Variants in FRMPD2 observed in about 807,000 individuals in gnomAD.
FRMPD2 encodes FERM and PDZ domain containing 2.
In FRMPD2, 96 loss-of-function variants were observed where a neutral mutation model predicts 140.1. That is an observed-to-expected ratio of 0.69 (90% CI 0.58 to 0.81). FRMPD2 has a LOEUF of 0.81. Among genes scored for constraint, FRMPD2 ranks in the 40% least tolerant of loss-of-function variants. The pLI is 0.00. For missense variants in FRMPD2, 1,240 were observed against 1,447.4 expected, an observed-to-expected ratio of 0.86 and a Z score of 2.32; for synonymous variants, 449 against 547.6, an observed-to-expected ratio of 0.82 and a Z score of 2.52.
intron 12 of FRMPD2, among the ~76,000 whole-genome samples, chr10:48,221,974 A>T (rs867842832): frequency 1.6e-4 from 19 of 115,956 alleles, no homozygotes; most frequent in African/African-American, 5.9e-4. Flanking sequence ...GGATGGATGG[A>T]TGGTTGGATG....
At chr10:48,200,780 A>G (rs976227508) in intron 15 of FRMPD2, among the ~76,000 whole-genome samples, 4 of 152,192 alleles carry the variant, frequency 2.6e-5, no homozygotes, top group African/African-American at 9.7e-5. Flanking sequence ...TGTCTGAATT[A>G]TATAGATGCT....
chr10:48,187,408 C>T (rs546455660), intron 16 of FRMPD2, 116 bp from the exon 17 acceptor site: 13 of 767,620 alleles, frequency 1.7e-5, no homozygotes, highest in South Asian at 6.7e-5. Context: ...GATGATGGCC[C>T]GGGGAGGGCA....
intron 14 of FRMPD2, among the ~76,000 whole-genome samples, chr10:48,205,521 C>A (rs1159549293): frequency 6.6e-6 from 1 of 151,978 alleles, no homozygotes; most frequent in Non-Finnish European, 1.5e-5. Flanking sequence ...AAAATCTGAA[C>A]AATTAAACAT....
chr10:48,215,174 G>A (rs1214377346), intron 12 of FRMPD2, among the ~76,000 whole-genome samples: 1 of 151,798 alleles, frequency 6.6e-6, no homozygotes, highest in African/African-American at 2.4e-5. Context: ...TTTTTTTTCA[G>A]CACCAGAACC....
chr10:48,208,170 C>T (rs1166114163), intron 13 of FRMPD2, among the ~76,000 whole-genome samples: 1 of 152,100 alleles, frequency 6.6e-6, no homozygotes, highest in Non-Finnish European at 1.5e-5. Flanking sequence ...GTTTAAAAAG[C>T]AGGGCCACCA....
Position 48,238,134 on chromosome 10 carries a change from G to T in FRMPD2, c.789-11C>A. 1 of 1,606,736 alleles carries T rather than the reference G, an allele frequency of 6.2e-7. No homozygotes were observed. Among genetic ancestry groups the T allele is most frequent in the Non-Finnish European group, 8.5e-7 (1 of 1,179,798 alleles). On this transcript the variant is annotated splice_polypyrimidine_tract_variant and intron_variant, in intron 7 of 28. Coordinates refer to ENST00000374201, the MANE Select transcript of FRMPD2 (RefSeq NM_001018071.4). ...GCTCCTGGAAGAGCGCTGGCCAGGG[G>T]TTGAGAAGGGGTGAAGCACTTAGCA...
At chr10:48,232,062 C>T in intron 10 of FRMPD2, 53 bp downstream of exon 10, 1 of 1,532,284 alleles carries the variant, frequency 6.5e-7, no homozygotes. Flanking sequence ...TACCCAGATA[C>T]CTGGGTTACC....
chr10:48,248,781 C>T (rs1413658012), intron 3 of FRMPD2: 11 of 350,654 alleles, frequency 3.1e-5, no homozygotes, highest in Non-Finnish European at 4.6e-5. Flanking sequence ...TCAATTAAGC[C>T]ACATTAACCC....
Position 48,273,256 on chromosome 10 carries a change from A to G in FRMPD2, c.25+1287T>C, listed in dbSNP as rs74745995. Among the ~76,000 whole-genome samples, 820 of 152,072 alleles carry G rather than the reference A, an allele frequency of 5.4e-3. 8 individuals are homozygous for G. The highest frequency in any genetic ancestry group is 0.019 in the African/African-American group (790 of 41,436). ...TTTCATCCTCTCCAATCCCACACCC[A>G]TATTGCTACTAGATTAATCTTCTTA... On this transcript the variant is annotated intron_variant, in intron 1 of 28. Coordinates refer to ENST00000374201, the MANE Select transcript of FRMPD2 (RefSeq NM_001018071.4).
At chr10:48,157,447 G>C in intron 28 of FRMPD2, 77 bp from the exon 29 acceptor site, 1 of 909,936 alleles carries the variant, frequency 1.1e-6, no homozygotes, top group South Asian at 1.3e-5. Context: ...CCAAATCAAT[G>C]GGTTGGCTTT....
chr10:48,167,876 C>A (rs1354083086), intron 27 of FRMPD2, among the ~76,000 whole-genome samples: 1 of 149,296 alleles, frequency 6.7e-6, no homozygotes, highest in Non-Finnish European at 1.5e-5. Flanking sequence ...AGAGGAAAGA[C>A]TGACCTCTCT....
chr10:48,192,611 C>G, intron 16 of FRMPD2, 73 bp downstream of exon 16: 1 of 1,321,234 alleles, frequency 7.6e-7, no homozygotes, highest in Non-Finnish European at 1.1e-6. Flanking sequence ...TAAAATAAAT[C>G]TTCAGTACAG....
chr10:48,232,249 C>CA lies in FRMPD2; in HGVS notation c.1033dup (p.Cys345LeufsTer15), dbSNP rs754487451. ...GTGCTGCCCGTTCAGCAGGACCACACAGAGGTCCCTGAGAGCCAAATAGGA... is the reference window on the plus strand; with the variant it reads ...GTGCTGCCCGTTCAGCAGGACCACACAAGAGGTCCCTGAGAGCCAAATAGGA... On this transcript the variant is annotated frameshift_variant, in exon 10 of 29. Transcript: ENST00000374201. LOFTEE classifies it high-confidence loss of function. 52 of 1,613,734 alleles carry CA rather than the reference C, an allele frequency of 3.2e-5. No homozygotes were observed. The East Asian group carries it at 3.8e-4, about 12-fold the overall frequency.
intron 24 of FRMPD2, among the ~76,000 whole-genome samples, chr10:48,173,952 C>A (rs1446373012): frequency 3.3e-5 from 5 of 152,220 alleles, no homozygotes; most frequent in African/African-American, 1.2e-4. Flanking sequence ...CAATTCCTAC[C>A]TGCTTAAGCT....
In FRMPD2 at chr10:48,274,543, C is replaced by T; in HGVS notation, c.25G>A (p.Gly9Ser). The T allele has an allele frequency of 1.9e-6, 3 of 1,614,074 alleles. No individual in the cohort carries two copies. Among genetic ancestry groups the T allele is most frequent in the South Asian group, 1.1e-5 (1 of 91,082 alleles). Residue 9 changes from glycine (G) to serine (S), a missense_variant and splice_region_variant, in exon 1 of 29, where the codon GGC (glycine) becomes AGC (serine). Gly to Ser is a moderately conservative substitution (Grantham distance 56). This residue lies in a region of FRMPD2 where 1,161 missense variants were observed against 1,055.9 expected (regional missense o/e 1.10). Transcript: ENST00000374201. MQPLTKDA[G>S]MSLSSVTLAS... ...AAAACTGAATGATGCCAAGGAATACCTGCGTCCTTCGTTAAAGGCTGCATC... is the reference window on the plus strand; with the variant it reads ...AAAACTGAATGATGCCAAGGAATACTTGCGTCCTTCGTTAAAGGCTGCATC...
At chr10:48,205,536 T>TA (rs139376111) in intron 14 of FRMPD2, among the ~76,000 whole-genome samples, 2,649 of 152,288 alleles carry the variant, frequency 0.017, 63 homozygotes, top group African/African-American at 0.059. Context: ...AAACATGCAA[T>TA]AAGAAAATAA....
At chr10:48,234,493 T>C (rs1839922529) in intron 9 of FRMPD2, among the ~76,000 whole-genome samples, 1 of 151,996 alleles carries the variant, frequency 6.6e-6, no homozygotes, top group Non-Finnish European at 1.5e-5. Flanking sequence ...AAAGGGTGTG[T>C]GTACCAAGAA....
chr10:48,160,413 T>C (rs1837905733), intron 28 of FRMPD2, among the ~76,000 whole-genome samples: 2 of 150,158 alleles, frequency 1.3e-5, no homozygotes, highest in Non-Finnish European at 3.0e-5. Flanking sequence ...GGAATTTCAA[T>C]TGAAGGGACC....
At position 48,187,254 on chromosome 10, in the gene FRMPD2, A is replaced by T. The variant is rs367587429; in HGVS notation, c.2204T>A (p.Val735Glu). The change falls in exon 17 of 29, where the codon GTG becomes GAG. Residue 735 changes from valine to glutamate, a missense_variant. Val to Glu is a moderately radical substitution (Grantham distance 121). Around this residue, in one of 6 missense-constraint regions of FRMPD2, gnomAD observed 1,161 missense variants for 1,055.9 expected, o/e 1.10. Coordinates refer to ENST00000374201, the MANE Select transcript of FRMPD2 (RefSeq NM_001018071.4). Reference protein sequence around the residue: ...TGREQLKSACVIQKPMTWDSL... With the variant: ...TGREQLKSACEIQKPMTWDSL... ...GTCCCAGGTCATTGGCTTCTGGATC[A>T]CACAGGCACTCTTCAGCTGCTCCCG... 4 of 1,614,016 alleles carry T rather than the reference A, an allele frequency of 2.5e-6. No individual in the cohort carries two copies. The African/African-American group carries it at 5.3e-5, about 22-fold the overall frequency.
Sources: gnomAD v4.1 joint callset for allele counts (sites outside exome capture counted in the v4.1 genomes callset) on GRCh38, gnomAD v4.1.1 for gene constraint, gnomAD v4.1.1 regional missense constraint, MANE v1.5 for transcripts, NCBI Gene and HGNC (gene_info 2026-07-23, HGNC 2026-07-21) for gene names.